The following OPRM1 variants were observed in gnomAD, a reference collection of about 807,000 sequenced individuals.
The protein encoded by OPRM1 is opioid receptor mu 1, also known as mu-type opioid receptor.
OPRM1 carries 27 observed loss-of-function variants against 31.8 expected under a neutral mutation model. That is an observed-to-expected ratio of 0.85 (90% confidence interval 0.63 to 1.17). OPRM1 has a LOEUF of 1.17. Among genes scored for constraint, OPRM1 ranks in the 50% most tolerant of loss-of-function variants. OPRM1 has a pLI of 0.00. For missense variants in OPRM1, 536 were observed against 511.1 expected, an observed-to-expected ratio of 1.05 and a Z score of -0.47; for synonymous variants, 196 against 189.9, an observed-to-expected ratio of 1.03 and a Z score of -0.26.
intron 3 of OPRM1, among the ~76,000 whole-genome samples, chr6:154,215,257 C>T (rs971496496): frequency 1.4e-4 from 22 of 151,774 alleles, no homozygotes; most frequent in African/African-American, 3.1e-4. Flanking sequence ...GGAATCCTTA[C>T]GCAACCCTCA....
In OPRM1 at chr6:154,118,938, G is replaced by A. The variant is rs200587105; in HGVS notation, c.*217G>A. 1.7e-4 allele frequency: 220 copies of A among 1,304,810 alleles called. 4 individuals carry two copies. The highest frequency in any genetic ancestry group is 1.1e-3 in the Admixed American group (30 of 27,278). The allele number at this position is 1,304,810 out of a possible 1,614,324, so 80.8% of individuals were successfully genotyped here. ...TGGAAGGAAAGGAATATACCACACC[G>A]AGGAGTCCAGTTTGTGCAAGACACC... is the stretch of plus-strand genomic sequence containing the variant. On this transcript the variant is annotated 3_prime_UTR_variant, in exon 4 of 4. Coordinates refer to ENST00000330432, the MANE Select transcript of OPRM1 (RefSeq NM_000914.5).
chr6:154,047,863 G>A (rs4870266), intron 1 of OPRM1, among the ~76,000 whole-genome samples: 8,984 of 152,234 alleles, frequency 0.059, 420 homozygotes, highest in South Asian at 0.19. Context: ...TTACAGTGCT[G>A]GAGGCTTGAG....
At chr6:154,071,594 A>G (rs568638944) in intron 1 of OPRM1, among the ~76,000 whole-genome samples, 14 of 152,254 alleles carry the variant, frequency 9.2e-5, no homozygotes, top group Non-Finnish European at 1.9e-4. Flanking sequence ...ACAGCAAGGA[A>G]TACAAAACAC....
intron 3 of OPRM1, among the ~76,000 whole-genome samples, chr6:154,099,521 GAGAA>G (rs1366858817): frequency 2.0e-5 from 3 of 149,588 alleles, no homozygotes; most frequent in Non-Finnish European, 4.4e-5. Flanking sequence ...GAAAGAATGA[GAGAA>G]AGAGGAAAGA....
chr6:154,039,787 C>T lies in OPRM1; in HGVS notation c.243C>T (p.Cys81=), dbSNP rs200915701. Residue 81 remains cysteine (C), a synonymous_variant, in exon 1 of 4, where the codon TGC becomes TGT. Transcript: ENST00000330432. Reference sequence around the variant, plus strand: ...TCATGGCCCTCTACTCCATCGTGTGCGTGGTGGGGCTCTTCGGAAACTTCC... The same window carrying T: ...TCATGGCCCTCTACTCCATCGTGTGTGTGGTGGGGCTCTTCGGAAACTTCC... ...ITIMALYSIV[C]VVGLFGNFLV... 1.6e-5 allele frequency: 26 copies of T among 1,599,278 alleles called. No homozygotes were observed. The highest frequency in any genetic ancestry group is 9.4e-5 in the African/African-American group (7 of 74,856).
Position 154,127,542 on chromosome 6 carries a change from A to G in OPRM1, c.*8821A>G, listed in dbSNP as rs1461437124. ...CTCAGGATAAGAACTACCAGACTAG[A>G]TTAGGAGGTCCACACCACCAATTGA... On this transcript the variant is annotated 3_prime_UTR_variant, in exon 4 of 4. Transcript: ENST00000330432. Among the ~76,000 whole-genome samples the G allele has an allele frequency of 1.3e-5, 2 of 152,194 alleles. No homozygotes were observed. The highest frequency in any genetic ancestry group is 6.5e-5 in the Admixed American group (1 of 15,278).
chr6:154,203,284 A>G (rs924140317), intron 3 of OPRM1, among the ~76,000 whole-genome samples: 3 of 152,056 alleles, frequency 2.0e-5, no homozygotes, highest in Non-Finnish European at 4.4e-5. Context: ...CAACTCCTCC[A>G]GGAAGCCTTC....
chr6:154,091,475 A>G lies in OPRM1; in HGVS notation c.1164+3A>G. 1.2e-6 allele frequency: 2 copies of G among 1,607,684 alleles called. No individual in the cohort carries two copies. Among genetic ancestry groups the G allele is most frequent in the Non-Finnish European group, 1.7e-6 (2 of 1,178,768 alleles). ...CAGTGGATAGAACTAATCATCAGGT[A>G]CGCAGTCTCTAGAATTAGGTATATC... On this transcript the variant is annotated splice_donor_region_variant and intron_variant, in intron 3 of 3. Coordinates refer to ENST00000330432, the MANE Select transcript of OPRM1 (RefSeq NM_000914.5).
At chr6:154,108,630 A>G in intron 3 of OPRM1, 1 of 228,882 alleles carries the variant, frequency 4.4e-6, no homozygotes, top group Non-Finnish European at 7.2e-6. Context: ...AGATTAATCC[A>G]AAGAGAATAG....
chr6:154,064,831 C>A (rs1474268080), intron 1 of OPRM1, among the ~76,000 whole-genome samples: 1 of 152,142 alleles, frequency 6.6e-6, no homozygotes, highest in Non-Finnish European at 1.5e-5. Flanking sequence ...GATCTCTACT[C>A]TATTCCATTG....
At chr6:154,134,821 A>T (rs554433025), downstream of OPRM1, among the ~76,000 whole-genome samples, 18 of 152,160 alleles carry the variant, frequency 1.2e-4, no homozygotes, top group African/African-American at 4.3e-4. Flanking sequence ...GTCCTAAAAA[A>T]CCACTATTTG....
chr6:154,063,503 TA>T (rs537637300), intron 1 of OPRM1, among the ~76,000 whole-genome samples: 89 of 152,118 alleles, frequency 5.9e-4, no homozygotes, highest in South Asian at 1.7e-3. Flanking sequence ...TCATGCAACA[TA>T]AAGTTTCCAT....
intron 3 of OPRM1, among the ~76,000 whole-genome samples, chr6:154,241,810 A>C (rs1780620309): frequency 6.6e-6 from 1 of 152,156 alleles, no homozygotes; most frequent in African/African-American, 2.4e-5. Context: ...GCTCAAGAAT[A>C]GGCAGTGGCT....
At chr6:154,229,150 T>C (rs1165334060) in intron 3 of OPRM1, among the ~76,000 whole-genome samples, 1 of 152,242 alleles carries the variant, frequency 6.6e-6, no homozygotes, top group African/African-American at 2.4e-5. Context: ...TGGTTGTTTG[T>C]CTGCTTCTCC....
At chr6:154,022,992 C>G (rs1173456384) in intron 1 of OPRM1, among the ~76,000 whole-genome samples, 1 of 150,804 alleles carries the variant, frequency 6.6e-6, no homozygotes, top group African/African-American at 2.5e-5. Flanking sequence ...TGTGATTCTT[C>G]CAGTTTTGTT....
chr6:154,114,678 G>A (rs1256082906), intron 3 of OPRM1, among the ~76,000 whole-genome samples: 1 of 151,998 alleles, frequency 6.6e-6, no homozygotes, highest in East Asian at 1.9e-4. Flanking sequence ...CAGTCACAAT[G>A]TCTGTAACAG....
intron 1 of OPRM1, among the ~76,000 whole-genome samples, chr6:154,084,192 A>G (rs1178633303): frequency 6.6e-6 from 1 of 152,178 alleles, no homozygotes; most frequent in East Asian, 1.9e-4. Context: ...TAGAAATGTC[A>G]TTAACTACAT....
intron 3 of OPRM1, chr6:154,093,255 C>A: frequency 6.2e-7 from 1 of 1,603,468 alleles, no homozygotes; most frequent in Non-Finnish European, 8.5e-7. Flanking sequence ...AAAGTACTGA[C>A]TCTTTCTCCT....
chr6:154,077,010 A>G (rs1408737286), intron 1 of OPRM1, among the ~76,000 whole-genome samples: 1 of 152,154 alleles, frequency 6.6e-6, no homozygotes, highest in Non-Finnish European at 1.5e-5. Context: ...AGGGCTTTCA[A>G]TGAAAAAAAA....
Sources: allele counts gnomAD v4.1 joint callset (sites outside exome capture counted in the v4.1 genomes callset), GRCh38; gene constraint gnomAD v4.1.1; transcripts MANE v1.5; gene names NCBI Gene and HGNC (gene_info 2026-07-23, HGNC 2026-07-21).